QARS1: variants seen among roughly 807,000 people sequenced by gnomAD.
QARS1 encodes the protein glutamine--tRNA ligase.
Under a neutral mutation model 106.9 loss-of-function variants are expected in QARS1, and 79 were observed. That is an observed-to-expected ratio of 0.74 (90% CI 0.62 to 0.89). The LOEUF (loss-of-function observed/expected upper bound fraction) is 0.89, where lower values mean the gene tolerates loss of function less well. QARS1 is among the 40% of genes least tolerant of loss of function. QARS1 has a pLI of 0.00. For missense variants in QARS1, 966 were observed against 997.2 expected, an observed-to-expected ratio of 0.97 and a Z score of 0.42; for synonymous variants, 395 against 367.7, an observed-to-expected ratio of 1.07 and a Z score of -0.85.
At chr3:49,102,364 A>C in intron 6 of QARS1, 55 bp downstream of exon 6, 2 of 1,612,434 alleles carry the variant, frequency 1.2e-6, no homozygotes, top group Admixed American at 1.7e-5. Context: ...CCCAGCCTGA[A>C]GTCTCACCAT....
intron 23 of QARS1, 120 bp downstream of exon 23, chr3:49,097,872 G>A: frequency 3.6e-6 from 5 of 1,394,698 alleles, no homozygotes; most frequent in Non-Finnish European, 4.9e-6. Flanking sequence ...AGTAGAATAT[G>A]AATACCAACT....
intron 5 of QARS1, 99 bp from the exon 6 acceptor site, chr3:49,102,571 C>G (rs2042485444): frequency 7.4e-7 from 1 of 1,354,290 alleles, no homozygotes; most frequent in Non-Finnish European, 1.0e-6. Flanking sequence ...GGCCTATCTA[C>G]CAGCACTGAC....
rs776523307 is a variant in QARS1, at chr3:49,098,953, C to T, written c.1795G>A (p.Glu599Lys). The change falls in exon 19 of 24, where the codon GAG becomes AAG. Residue 599 changes from glutamate to lysine, a missense_variant. Transcript: ENST00000306125. ...GGAACCTGATGGAAGCCTTTGGTCTCATCAGCTGGGAAGTTGGGCACCTGG... is the reference window on the plus strand; with the variant it reads ...GGAACCTGATGGAAGCCTTTGGTCTTATCAGCTGGGAAGTTGGGCACCTGG... ...DIQVPNFPADETKGFHQVPFA... is the reference protein window; with the variant it reads ...DIQVPNFPADKTKGFHQVPFA... The T allele has an allele frequency of 1.9e-6, 3 of 1,614,104 alleles. No homozygotes were observed. The Admixed American group carries it at 5.0e-5, about 27-fold the overall frequency.
chr3:49,099,443 A>C lies in QARS1; in HGVS notation c.1527-12T>G. The stretch of plus-strand genomic sequence containing the variant: ...GGTCATCCCAGTCCCTGTGGATAAG[A>C]AGGTGGTGAGAAGGCCTTTGGGAGC... On this transcript the variant is annotated splice_polypyrimidine_tract_variant and intron_variant, in intron 16 of 23. Transcript: ENST00000306125. 6.2e-7 allele frequency: 1 copy of C among 1,614,178 alleles called. No homozygotes were observed. Among genetic ancestry groups the C allele is most frequent in the Non-Finnish European group, 8.5e-7 (1 of 1,180,032 alleles).
In QARS1 at chr3:49,098,266, C is replaced by T; in HGVS notation, c.2085-8G>A. ...GGGTTCTTGTGCTGGAATCTGCAGC[C>T]AAAGTGAAGGTCATACCCCCAGCTG... On this transcript the variant is annotated splice_region_variant and splice_polypyrimidine_tract_variant and intron_variant, in intron 21 of 23. Coordinates refer to ENST00000306125, the MANE Select transcript of QARS1 (RefSeq NM_005051.3). 6.2e-7 allele frequency: 1 copy of T among 1,614,168 alleles called. No homozygotes were observed. The highest frequency in any genetic ancestry group is 1.3e-5 in the African/African-American group (1 of 75,046).
In QARS1 at chr3:49,102,583, G is replaced by GA. The variant is rs879198943; in HGVS notation, c.517-112dup. Reference sequence around the variant, plus strand: ...CCTGGCCTATCTACCAGCACTGACTGAAAAAACCTACCTAGCCCATCCCAT... The same window carrying GA: ...CCTGGCCTATCTACCAGCACTGACTGAAAAAAACCTACCTAGCCCATCCCAT... On this transcript the variant is annotated intron_variant, in intron 5 of 23. Transcript: ENST00000306125. The GA allele has an allele frequency of 2.5e-6, 3 of 1,189,094 alleles. No individual in the cohort carries two copies. The South Asian group carries it at 3.8e-5, about 15-fold the overall frequency. 73.7% of individuals were successfully genotyped at this position (1,189,094 alleles called of 1,614,324 possible). A position where few individuals can be genotyped will look rare whatever the true frequency, so the allele number is the denominator to read the frequency against.
intron 5 of QARS1, 135 bp downstream of exon 5, chr3:49,103,204 TGCCTCA>T: frequency 1.2e-6 from 1 of 840,046 alleles, no homozygotes; most frequent in Non-Finnish European, 2.0e-6. Flanking sequence ...GTAATCCTCC[TGCCTCA>T]GCCTCCCAAA....
At chr3:49,100,743 A>G in intron 10 of QARS1, 69 bp from the exon 11 acceptor site, 1 of 1,285,718 alleles carries the variant, frequency 7.8e-7, no homozygotes, top group South Asian at 1.2e-5. Context: ...TTATCAAACT[A>G]GGATATTCAC....
chr3:49,100,354 G>A (rs748562144), intron 12 of QARS1, 26 bp downstream of exon 12: 16 of 1,613,936 alleles, frequency 9.9e-6, no homozygotes, highest in Non-Finnish European at 1.4e-5. Flanking sequence ...AGTCTGCCTG[G>A]CTCTACGTCA....
At chr3:49,098,769 T>C in intron 19 of QARS1, 77 bp from the exon 20 acceptor site, 1 of 1,498,550 alleles carries the variant, frequency 6.7e-7, no homozygotes, top group Non-Finnish European at 9.2e-7. Flanking sequence ...CCCCCGTGTC[T>C]GGCAAAGATT....
At chr3:49,099,053 C>T in intron 18 of QARS1, 57 bp downstream of exon 18, 1 of 1,613,476 alleles carries the variant, frequency 6.2e-7, no homozygotes, top group Non-Finnish European at 8.5e-7. Flanking sequence ...ATGCCCAGAG[C>T]CAAGTGTACC....
chr3:49,098,409 G>A lies in QARS1; in HGVS notation c.2028C>T (p.Ala676=), dbSNP rs762780883. 3.1e-6 allele frequency: 5 copies of A among 1,614,086 alleles called. No individual in the cohort carries two copies. The highest frequency in any genetic ancestry group is 4.2e-6 in the Non-Finnish European group (5 of 1,180,052). Residue 676 remains alanine, a synonymous_variant, in exon 21 of 24, where the codon GCC becomes GCT. Transcript: ENST00000306125. Reference sequence around the variant, plus strand: ...AAGGCTGTGACACCCAGTGAATAAAGGCCTTTGGCTTCTCTCCAGCATCTG... The same window carrying A: ...AAGGCTGTGACACCCAGTGAATAAAAGCCTTTGGCTTCTCTCCAGCATCTG... The part of the protein sequence containing the change: ...RRADAGEKPK[A]FIHWVSQPLM...
chr3:49,104,697 G>C lies in QARS1; in HGVS notation c.37C>G (p.Leu13Val). Residue 13 changes from leucine (L) to valine (V), a missense_variant, in exon 1 of 24, where the codon CTC becomes GTC. Physicochemically the swap from Leu to Val is conservative, Grantham distance 32. Transcript: ENST00000306125. ...ALDSLSLFTS[L>V]GLSEQKARET... is the part of the protein sequence containing the mutation. Reference sequence around the variant, plus strand: ...CGGGCCTTCTGCTCGCTCAGGCCGAGGCTAGTGAAGAGCGACAGGGAGTCT... The same window carrying C: ...CGGGCCTTCTGCTCGCTCAGGCCGACGCTAGTGAAGAGCGACAGGGAGTCT... 1 of 1,612,692 alleles carries C rather than the reference G, an allele frequency of 6.2e-7. No individual in the cohort carries two copies. Among genetic ancestry groups the C allele is most frequent in the Non-Finnish European group, 8.5e-7 (1 of 1,179,256 alleles).
In QARS1 at chr3:49,096,009, G is replaced by A. The variant is rs776584720; in HGVS notation, c.*20C>T. ...TAGCCACACCCTCCAGGAGGATGAGGTAGGTTCAGTGCTTCCAGCTCACAC... is the reference window on the plus strand; with the variant it reads ...TAGCCACACCCTCCAGGAGGATGAGATAGGTTCAGTGCTTCCAGCTCACAC... On this transcript the variant is annotated 3_prime_UTR_variant, in exon 24 of 24. Coordinates refer to ENST00000306125, the MANE Select transcript of QARS1 (RefSeq NM_005051.3). 2.5e-6 allele frequency: 4 copies of A among 1,612,754 alleles called. No individual in the cohort carries two copies. In the Admixed American group the frequency reaches 6.7e-5, roughly 27 times the overall value.
rs1314266334 is a variant in QARS1, at chr3:49,095,938, A to G, written c.*91T>C. ...GCAGAGATAACACACAGACTCTAGG[A>G]GAATTTAGCTGTTCTTTATTGACAT... is the stretch of plus-strand genomic sequence containing the variant. On this transcript the variant is annotated 3_prime_UTR_variant, in exon 24 of 24. Transcript: ENST00000306125. 8.2e-6 allele frequency: 10 copies of G among 1,222,732 alleles called. No homozygotes were observed. In the Admixed American group the frequency reaches 1.4e-4, roughly 17 times the overall value. 75.7% of individuals were successfully genotyped at this position (1,222,732 alleles called of 1,614,324 possible).
rs762033221 is a variant in QARS1, at chr3:49,099,564, T to C, written c.1472A>G (p.Tyr491Cys). The C allele has an allele frequency of 8.7e-6, 14 of 1,614,054 alleles. No homozygotes were observed. The highest frequency in any genetic ancestry group is 4.4e-5 in the South Asian group (4 of 91,088). ...GATCTTCCTCTTAGAGACAACAGCA[T>C]AGTGCAGGTTGAGGCGGCCATACTC... is the stretch of plus-strand genomic sequence containing the variant. Reference protein sequence around the residue: ...QWEYGRLNLHYAVVSKRKILQ... With the variant: ...QWEYGRLNLHCAVVSKRKILQ... The change falls in exon 16 of 24, where the codon TAT (tyrosine) becomes TGT (cysteine). Residue 491 changes from tyrosine to cysteine, a missense_variant. By Grantham distance (194) the Tyr-to-Cys change is radical (BLOSUM62 -2). Coordinates refer to ENST00000306125, the MANE Select transcript of QARS1 (RefSeq NM_005051.3).
rs752600100 is a variant in QARS1, at chr3:49,100,296, C to A, written c.1058G>T (p.Gly353Val). Residue 353 changes from glycine (G) to valine (V), a missense_variant and splice_region_variant, in exon 13 of 24, where the codon GGT becomes GTT. Coordinates refer to ENST00000306125, the MANE Select transcript of QARS1 (RefSeq NM_005051.3). Reference sequence around the variant, plus strand: ...TCGCTGGTGGCACACATAAGCCAGACCCCTGTGGGGAAGCGGTGTGAGTGC... The same window carrying A: ...TCGCTGGTGGCACACATAAGCCAGAACCCTGTGGGGAAGCGGTGTGAGTGC... ...YAWAVELIRR[G>V]LAYVCHQRGE... 3.1e-6 allele frequency: 5 copies of A among 1,614,258 alleles called. No homozygotes were observed. The highest frequency in any genetic ancestry group is 3.3e-4 in the Middle Eastern group (2 of 6,062).
At chr3:49,096,188 A>C in intron 23 of QARS1, 109 bp from the exon 24 acceptor site, 1 of 1,207,274 alleles carries the variant, frequency 8.3e-7, no homozygotes. Flanking sequence ...AAGCCAAAGA[A>C]GCCGAGGGAC....
In QARS1 at chr3:49,103,893, G is replaced by T. The variant is rs746476393; in HGVS notation, c.345C>A (p.Val115=). The change falls in exon 3 of 24, where the codon GTC becomes GTA. Residue 115 remains valine, a synonymous_variant. Transcript: ENST00000306125. Reference sequence around the variant, plus strand: ...CCTCAATCTGCTCTGGGGTCACAATGACACCCACGCCACATTCCCGCTCGA... The same window carrying T: ...CCTCAATCTGCTCTGGGGTCACAATTACACCCACGCCACATTCCCGCTCGA... ...VDFERECGVG[V]IVTPEQIEEA... 3.7e-6 allele frequency: 6 copies of T among 1,613,944 alleles called. No homozygotes were observed. The African/African-American group carries it at 8.0e-5, about 22-fold the overall frequency.
Sources: gnomAD v4.1 joint callset for allele counts on GRCh38, gnomAD v4.1.1 for gene constraint, MANE v1.5 for transcripts, NCBI Gene and HGNC (gene_info 2026-07-23, HGNC 2026-07-21) for gene names.